ABHD17B: variants seen among roughly 807,000 people sequenced by gnomAD.
The protein encoded by ABHD17B is alpha/beta hydrolase domain-containing protein 17B.
In ABHD17B, 9 loss-of-function variants were observed where a neutral mutation model predicts 26.2. The ratio of observed to expected loss-of-function variants is 0.34; its 90% CI spans 0.21 to 0.60. ABHD17B has a LOEUF of 0.60. Ranked by LOEUF, ABHD17B falls within the 20% of genes least tolerant of loss-of-function variation. The pLI is 0.80. For synonymous variants in ABHD17B, 127 were observed against 122.3 expected (o/e 1.04, Z -0.25); for missense variants, 224 against 352.1 (o/e 0.64, Z 2.91).
intron 1 of ABHD17B, among the ~76,000 whole-genome samples, chr9:71,883,823 G>C (rs1230694205): frequency 2.0e-5 from 3 of 152,096 alleles, no homozygotes; most frequent in Admixed American, 2.0e-4. Context: ...TGTAATCCCA[G>C]CTACTCGGGA....
chr9:71,909,439 G>A (rs1827378202), intron 1 of ABHD17B, among the ~76,000 whole-genome samples: 1 of 152,120 alleles, frequency 6.6e-6, no homozygotes, highest in African/African-American at 2.4e-5. Context: ...CAAAATACTG[G>A]CTATCATTAG....
intron 2 of ABHD17B, 67 bp from the exon 3 acceptor site, chr9:71,870,329 C>A: frequency 7.2e-7 from 1 of 1,383,648 alleles, no homozygotes; most frequent in Non-Finnish European, 9.7e-7. Context: ...TTCCATCATT[C>A]CAAAGGATTT....
intron 1 of ABHD17B, among the ~76,000 whole-genome samples, chr9:71,895,945 A>G (rs1315556448): frequency 1.3e-5 from 2 of 152,210 alleles, no homozygotes; most frequent in Non-Finnish European, 2.9e-5. Flanking sequence ...ATATTTAATA[A>G]CAGACTGACT....
In ABHD17B at chr9:71,874,873, T is replaced by C. The variant is rs1420970210; in HGVS notation, c.208A>G (p.Met70Val). 6.2e-7 allele frequency: 1 copy of C among 1,614,220 alleles called. No individual in the cohort carries two copies. Among genetic ancestry groups the C allele is most frequent in the African/African-American group, 1.3e-5 (1 of 75,068 alleles). ...CTGTTGCCTTTACTGGTTCTAGTCA[T>C]GAAACACTCAATAGCATCTTTTTCT... ...SREKDAIECF[M>V]TRTSKGNRIA... Residue 70 changes from methionine (M) to valine (V), a missense_variant, in exon 2 of 4, where the codon ATG becomes GTG. Transcript: ENST00000333421.
intron 1 of ABHD17B, among the ~76,000 whole-genome samples, chr9:71,876,957 A>AGCC: frequency 6.6e-6 from 1 of 152,310 alleles, no homozygotes; most frequent in Middle Eastern, 3.4e-3. Context: ...TGAATAAGTT[A>AGCC]ATGGCTTACT....
chr9:71,875,411 G>C lies in ABHD17B; in HGVS notation c.-3-328C>G, dbSNP rs1325757548. ...CGGTTAATTTTGTATTTTTAGTAGA[G>C]ATGGGGTTTCTCCATGTTGATCAGA... On this transcript the variant is annotated intron_variant, in intron 1 of 3. Coordinates refer to ENST00000333421, the MANE Select transcript of ABHD17B (RefSeq NM_001025780.3). Among the ~76,000 whole-genome samples the C allele has an allele frequency of 2.0e-5, 3 of 152,120 alleles. No homozygotes were observed. In the East Asian group the frequency reaches 5.8e-4, roughly 29 times the overall value.
intron 1 of ABHD17B, among the ~76,000 whole-genome samples, chr9:71,908,776 T>A (rs1827360131): frequency 6.6e-6 from 1 of 152,222 alleles, no homozygotes; most frequent in East Asian, 1.9e-4. Flanking sequence ...TTAAAAAGTA[T>A]TCTCATTTAA....
At chr9:71,878,992 T>TA (rs776247002) in intron 1 of ABHD17B, among the ~76,000 whole-genome samples, 283 of 152,108 alleles carry the variant, frequency 1.9e-3, no homozygotes, top group Middle Eastern at 3.4e-3. Flanking sequence ...TCCATCTCTA[T>TA]AAAAAATACA....
rs759363829 is a variant in ABHD17B, at chr9:71,890,293, G to GAC, written c.-3-15212_-3-15211dup. Among the ~76,000 whole-genome samples the GAC allele has an allele frequency of 1.2e-3, 175 of 151,258 alleles. 1 individual carries two copies. The highest frequency in any genetic ancestry group is 3.8e-3 in the South Asian group (18 of 4,786). ...TGACAGAGCTGGACTCTGTCACACA[G>GAC]ACACACACACACACGAAAGACTGAG... On this transcript the variant is annotated intron_variant, in intron 1 of 3. Transcript: ENST00000333421.
intron 1 of ABHD17B, among the ~76,000 whole-genome samples, chr9:71,897,713 G>C (rs1361316551): frequency 6.6e-6 from 1 of 152,060 alleles, no homozygotes; most frequent in Non-Finnish European, 1.5e-5. Context: ...TCTTTACATA[G>C]ATGTTGTAAC....
At chr9:71,890,400 T>G (rs1826747651) in intron 1 of ABHD17B, among the ~76,000 whole-genome samples, 1 of 152,230 alleles carries the variant, frequency 6.6e-6, no homozygotes, top group South Asian at 2.1e-4. Flanking sequence ...ATATTATAGC[T>G]GAACCTGTAT....
chr9:71,865,463 T>C lies in ABHD17B; in HGVS notation c.*1324A>G. On this transcript the variant is annotated 3_prime_UTR_variant, in exon 4 of 4. Coordinates refer to ENST00000333421, the MANE Select transcript of ABHD17B (RefSeq NM_001025780.3). ...TGTGAGCTTTATTTTTTTACTATAT[T>C]GGTTAATATAAAAGTTATGAATTAA... is the stretch of plus-strand genomic sequence containing the variant. The C allele has an allele frequency of 1.0e-6, 1 of 983,438 alleles. No homozygotes were observed. Among genetic ancestry groups the C allele is most frequent in the Non-Finnish European group, 1.2e-6 (1 of 828,106 alleles). 60.9% of individuals were successfully genotyped at this position (983,438 alleles called of 1,614,324 possible).
At chr9:71,883,260 A>C (rs1826503795) in intron 1 of ABHD17B, among the ~76,000 whole-genome samples, 1 of 152,222 alleles carries the variant, frequency 6.6e-6, no homozygotes. Flanking sequence ...AAAGGTATAT[A>C]CATGTATTTG....
At chr9:71,863,389 C>T (rs117304028), downstream of ABHD17B, among the ~76,000 whole-genome samples, 161 of 152,312 alleles carry the variant, frequency 1.1e-3, 1 homozygote, top group Admixed American at 2.4e-3. Context: ...AAATAACTTG[C>T]CCAATGTTGC....
chr9:71,866,599 GTACTGT>G lies in ABHD17B; in HGVS notation c.*182_*187del, dbSNP rs1825962384. ...ATAAATTACACAGCCTGACTGCACGGTACTGTTATTTCCAGTTTTTAGTTCTGGTAA... is the reference window on the plus strand; with the variant it reads ...ATAAATTACACAGCCTGACTGCACGGTATTTCCAGTTTTTAGTTCTGGTAA... On this transcript the variant is annotated 3_prime_UTR_variant, in exon 4 of 4. Transcript: ENST00000333421. 2.8e-6 allele frequency: 4 copies of G among 1,427,990 alleles called. No homozygotes were observed. The highest frequency in any genetic ancestry group is 2.7e-6 in the Non-Finnish European group (3 of 1,096,846). 88.5% of individuals were successfully genotyped at this position (1,427,990 alleles called of 1,614,324 possible). A position where few individuals can be genotyped will look rare whatever the true frequency, so the allele number is the denominator to read the frequency against.
intron 1 of ABHD17B, among the ~76,000 whole-genome samples, chr9:71,885,007 T>C (rs1313241281): frequency 6.6e-6 from 1 of 151,854 alleles, no homozygotes; most frequent in African/African-American, 2.4e-5. Flanking sequence ...AGAGAAGCAG[T>C]CAAATAAAAA....
At chr9:71,897,044 A>C (rs915932503) in intron 1 of ABHD17B, among the ~76,000 whole-genome samples, 2 of 152,250 alleles carry the variant, frequency 1.3e-5, no homozygotes, top group African/African-American at 4.8e-5. Context: ...ACATGAATTT[A>C]TAACTAGAAA....
At chr9:71,907,279 G>A (rs183026272) in intron 1 of ABHD17B, among the ~76,000 whole-genome samples, 1 of 152,166 alleles carries the variant, frequency 6.6e-6, no homozygotes, top group East Asian at 1.9e-4. Context: ...ATAAATCTTG[G>A]CCAAGTTGTG....
intron 1 of ABHD17B, among the ~76,000 whole-genome samples, chr9:71,896,681 A>AAC (rs147044015): frequency 0.91 from 133,820 of 147,668 alleles, 61,149 homozygotes; most frequent in East Asian, 0.98. Context: ...CTTCTACCAA[A>AAC]ACACACACAC....
Sources: gnomAD v4.1 joint callset for allele counts (sites outside exome capture counted in the v4.1 genomes callset) on GRCh38, gnomAD v4.1.1 for gene constraint, MANE v1.5 for transcripts, NCBI Gene and HGNC (gene_info 2026-07-23, HGNC 2026-07-21) for gene names.